The following NRG3 variants were observed in gnomAD, a reference collection of about 807,000 sequenced individuals.
The protein encoded by NRG3 is neuregulin 3.
In NRG3, 31 loss-of-function variants were observed where a neutral mutation model predicts 66.9. The ratio of observed to expected loss-of-function variants is 0.46; its 90% CI spans 0.35 to 0.63. The LOEUF is 0.63. NRG3 is among the 20% of genes least tolerant of loss of function. The pLI is 0.00. For synonymous variants in NRG3, 393 were observed against 359.4 expected (o/e 1.09, Z -1.06); for missense variants, 910 against 878.9 (o/e 1.04, Z -0.45).
intron 1 of NRG3, among the ~76,000 whole-genome samples, chr10:81,879,079 G>A (rs1441280734): frequency 6.6e-6 from 1 of 152,160 alleles, no homozygotes; most frequent in Non-Finnish European, 1.5e-5. Flanking sequence ...GAGAAAGGAG[G>A]GTTTGCAAGT....
chr10:82,564,284 T>C (rs1377067877), intron 2 of NRG3, among the ~76,000 whole-genome samples: 1 of 152,196 alleles, frequency 6.6e-6, no homozygotes, highest in African/African-American at 2.4e-5. Context: ...TGCATAATTA[T>C]ATTTTCTGTT....
chr10:82,895,232 G>A (rs1209813160), intron 4 of NRG3, among the ~76,000 whole-genome samples: 3 of 152,084 alleles, frequency 2.0e-5, no homozygotes, highest in African/African-American at 4.8e-5. Context: ...CCACTGAGCT[G>A]TGAACTACTC....
chr10:82,185,470 C>T (rs947818213), intron 1 of NRG3, among the ~76,000 whole-genome samples: 2 of 152,060 alleles, frequency 1.3e-5, no homozygotes, highest in Non-Finnish European at 2.9e-5. Context: ...ATTTAATCTC[C>T]CCAGAGGGTA....
At chr10:82,859,010 G>C (rs978182989) in intron 3 of NRG3, 1 of 142,024 alleles carries the variant, frequency 7.0e-6, no homozygotes, top group African/African-American at 2.7e-5. Context: ...GCAGTGACAC[G>C]ATCTCGGCTC....
At chr10:82,885,709 A>G (rs1842664667) in intron 4 of NRG3, among the ~76,000 whole-genome samples, 1 of 152,118 alleles carries the variant, frequency 6.6e-6, no homozygotes, top group South Asian at 2.1e-4. Context: ...TTTGGGGGAA[A>G]GTTTACCGGA....
At chr10:81,944,320 CTAAAA>C (rs1848654414) in intron 1 of NRG3, among the ~76,000 whole-genome samples, 1 of 152,140 alleles carries the variant, frequency 6.6e-6, no homozygotes. Flanking sequence ...CAACGATAAA[CTAAAA>C]TAAAATTTTA....
At chr10:82,332,557 A>G (rs2082188046) in intron 1 of NRG3, among the ~76,000 whole-genome samples, 2 of 152,194 alleles carry the variant, frequency 1.3e-5, no homozygotes, top group Admixed American at 1.3e-4. Context: ...GCATACTTGT[A>G]ATAATGGGGG....
chr10:82,446,055 G>A (rs2090704238), intron 2 of NRG3, among the ~76,000 whole-genome samples: 1 of 152,118 alleles, frequency 6.6e-6, no homozygotes, highest in Non-Finnish European at 1.5e-5. Flanking sequence ...CACTATCAGA[G>A]GCTGCCATTT....
intron 2 of NRG3, among the ~76,000 whole-genome samples, chr10:82,596,941 C>T (rs2047316430): frequency 1.3e-5 from 2 of 152,118 alleles, no homozygotes; most frequent in Admixed American, 6.6e-5. Context: ...CAGTGCTTTT[C>T]CTTTTATTGT....
intron 1 of NRG3, among the ~76,000 whole-genome samples, chr10:81,983,813 T>C (rs944415256): frequency 2.0e-5 from 3 of 152,212 alleles, no homozygotes; most frequent in Non-Finnish European, 4.4e-5. Flanking sequence ...GATTAAATAA[T>C]GGCCCTTCAA....
chr10:82,554,920 A>G (rs2044550511), intron 2 of NRG3, among the ~76,000 whole-genome samples: 1 of 152,190 alleles, frequency 6.6e-6, no homozygotes, highest in South Asian at 2.1e-4. Context: ...CTTTACACAC[A>G]CCGTCCTCAT....
At chr10:82,362,333 A>ATG (rs56996997) in intron 2 of NRG3, among the ~76,000 whole-genome samples, 11,026 of 135,730 alleles carry the variant, frequency 0.081, 463 homozygotes, top group Non-Finnish European at 0.1. Context: ...GTATATATAT[A>ATG]TGTGTGTGTG....
chr10:82,308,721 T>C (rs976579562), intron 1 of NRG3, among the ~76,000 whole-genome samples: 6 of 152,146 alleles, frequency 3.9e-5, no homozygotes, highest in African/African-American at 1.4e-4. Context: ...TCCTGAATGT[T>C]CCACTTGCTC....
At chr10:82,438,628 G>A (rs898683916) in intron 2 of NRG3, among the ~76,000 whole-genome samples, 5 of 152,198 alleles carry the variant, frequency 3.3e-5, no homozygotes, top group Admixed American at 1.3e-4. Flanking sequence ...AACAATCTGC[G>A]CTTTCTGGGG....
chr10:82,913,509 T>C (rs1845531113), intron 4 of NRG3, among the ~76,000 whole-genome samples: 2 of 152,208 alleles, frequency 1.3e-5, no homozygotes, highest in Non-Finnish European at 2.9e-5. Context: ...CCTTAATGTT[T>C]GCTTATCTGA....
intron 3 of NRG3, among the ~76,000 whole-genome samples, chr10:82,763,628 A>T (rs2059407127): frequency 2.0e-5 from 3 of 152,132 alleles, no homozygotes; most frequent in Admixed American, 1.3e-4. Flanking sequence ...TGGAAACCCC[A>T]AGATAAATGA....
intron 1 of NRG3, among the ~76,000 whole-genome samples, chr10:81,956,175 G>A (rs765411022): frequency 4.6e-5 from 7 of 152,118 alleles, no homozygotes; most frequent in African/African-American, 1.2e-4. Flanking sequence ...TACAGTAGAC[G>A]TGATGTTTGG....
At chr10:82,356,683 G>A (rs368303268) in intron 1 of NRG3, among the ~76,000 whole-genome samples, 3 of 152,176 alleles carry the variant, frequency 2.0e-5, no homozygotes, top group African/African-American at 7.2e-5. Flanking sequence ...TTATTTCAGT[G>A]CTCGTGGAAT....
chr10:82,568,359 A>G (rs2045539618), intron 2 of NRG3, among the ~76,000 whole-genome samples: 1 of 151,906 alleles, frequency 6.6e-6, no homozygotes. Context: ...AAAACACTGA[A>G]CACAGTGTAC....
Sources: gnomAD v4.1 joint callset for allele counts (sites outside exome capture counted in the v4.1 genomes callset) on GRCh38, gnomAD v4.1.1 for gene constraint, MANE v1.5 for transcripts, NCBI Gene and HGNC (gene_info 2026-07-23, HGNC 2026-07-21) for gene names.